ZNF541: variants seen among roughly 807,000 people sequenced by gnomAD.
ZNF541 encodes the protein zinc finger protein 541.
ZNF541 carries 23 observed loss-of-function variants against 123.5 expected under a neutral mutation model. The observed-to-expected ratio is 0.19, with a 90% CI of 0.13 to 0.26. ZNF541 has a LOEUF of 0.26. Ranked by LOEUF, ZNF541 falls within the 10% of genes least tolerant of loss-of-function variation. ZNF541 has a pLI of 1.00. For synonymous variants in ZNF541, 751 were observed against 754.5 expected, an observed-to-expected ratio of 1.00 and a Z score of 0.08; for missense variants, 1,612 against 1,789.9, an observed-to-expected ratio of 0.90 and a Z score of 1.79.
At chr19:47,530,335 ATTTTTTTT>A (rs10586987) in intron 12 of ZNF541, among the ~76,000 whole-genome samples, 2 of 131,906 alleles carry the variant, frequency 1.5e-5, no homozygotes, top group African/African-American at 5.8e-5. Flanking sequence ...CTCCCTGCTA[ATTTTTTTT>A]TTTTTTTTTT....
chr19:47,553,495 G>A (rs942042606), intron 3 of ZNF541, among the ~76,000 whole-genome samples: 1 of 142,142 alleles, frequency 7.0e-6, no homozygotes, highest in African/African-American at 2.6e-5. Context: ...TGCAACCTCC[G>A]ACTCCCTGGT....
intron 9 of ZNF541, among the ~76,000 whole-genome samples, chr19:47,537,151 T>C (rs924660823): frequency 1.3e-5 from 2 of 152,178 alleles, no homozygotes; most frequent in African/African-American, 4.8e-5. Context: ...AAGCGTGCTC[T>C]AAAATTAAGA....
At chr19:47,525,237 A>G (rs140875839) in intron 14 of ZNF541, among the ~76,000 whole-genome samples, 13 of 151,740 alleles carry the variant, frequency 8.6e-5, no homozygotes, top group South Asian at 4.2e-4. Flanking sequence ...GTGAGTGAAG[A>G]GCGCGCCACT....
In ZNF541 at chr19:47,537,561, C is replaced by G. The variant is rs183765673; in HGVS notation, c.3094+581G>C. On this transcript the variant is annotated intron_variant, in intron 9 of 16. Coordinates refer to ENST00000391901, the MANE Select transcript of ZNF541 (RefSeq NM_001277075.3). Reference sequence around the variant, plus strand: ...CCTGGGTGATAGAGTGATACTCTGTCTCAAAAAAAAAAAAAAAAAAAAGGA... The same window carrying G: ...CCTGGGTGATAGAGTGATACTCTGTGTCAAAAAAAAAAAAAAAAAAAAGGA... Among the ~76,000 whole-genome samples the G allele has an allele frequency of 2.2e-3, 261 of 117,332 alleles. 1 individual carries two copies. The highest frequency in any genetic ancestry group is 8.9e-3 in the African/African-American group (237 of 26,654). 77.0% of individuals were successfully genotyped at this position (117,332 alleles called of 152,430 possible). A position where few individuals can be genotyped will look rare whatever the true frequency, so the allele number is the denominator to read the frequency against.
chr19:47,562,225 G>A (rs1049197379), intron 2 of ZNF541, among the ~76,000 whole-genome samples: 11 of 151,868 alleles, frequency 7.2e-5, no homozygotes, highest in Admixed American at 5.3e-4. Flanking sequence ...CTCCAGCCTG[G>A]GCGACAGAGA....
chr19:47,530,070 C>A (rs1383739142), intron 12 of ZNF541, among the ~76,000 whole-genome samples: 2 of 152,100 alleles, frequency 1.3e-5, no homozygotes, highest in African/African-American at 4.8e-5. Flanking sequence ...CTATGTTGTC[C>A]AGGCTGAGCT....
At chr19:47,569,405 T>C (rs1971391495) in intron 2 of ZNF541, among the ~76,000 whole-genome samples, 1 of 152,116 alleles carries the variant, frequency 6.6e-6, no homozygotes, top group Non-Finnish European at 1.5e-5. Context: ...AGGTAAATAG[T>C]CCAGAGAAGT....
Position 47,555,898 on chromosome 19 carries a change from A to G in ZNF541, c.-42T>C, listed in dbSNP as rs747077416. 70 of 1,510,896 alleles carry G rather than the reference A, an allele frequency of 4.6e-5. No homozygotes were observed. Among genetic ancestry groups the G allele is most frequent in the Non-Finnish European group, 6.0e-5 (68 of 1,124,600 alleles). The allele number at this position is 1,510,896 out of a possible 1,614,324, so 93.6% of individuals were successfully genotyped here. A position where few individuals can be genotyped will look rare whatever the true frequency, so the allele number is the denominator to read the frequency against. On this transcript the variant is annotated 5_prime_UTR_variant, in exon 3 of 17. Transcript: ENST00000391901. ...GTCTTGGCCAAAAGCTACTCTCCAG[A>G]TAAGCAAAACCATGTAAGGAGACAG... is the stretch of plus-strand genomic sequence containing the variant.
At chr19:47,538,563 C>T (rs1053227957) in intron 8 of ZNF541, 124 bp from the exon 9 acceptor site, 30 of 1,072,070 alleles carry the variant, frequency 2.8e-5, no homozygotes, top group Middle Eastern at 2.1e-4. Context: ...AATGCACGCC[C>T]GGCAAAGGAG....
At chr19:47,561,763 T>C (rs1971072709) in intron 2 of ZNF541, among the ~76,000 whole-genome samples, 1 of 152,038 alleles carries the variant, frequency 6.6e-6, no homozygotes, top group Non-Finnish European at 1.5e-5. Flanking sequence ...GTTAAGTCAC[T>C]AGCTGACCAC....
chr19:47,547,959 GAA>G (rs1970425019), intron 4 of ZNF541, among the ~76,000 whole-genome samples: 2 of 149,254 alleles, frequency 1.3e-5, no homozygotes, highest in Non-Finnish European at 3.0e-5. Context: ...AAAATCACTT[GAA>G]CCCAGGAGGC....
intron 2 of ZNF541, among the ~76,000 whole-genome samples, chr19:47,569,209 C>T (rs1283052466): frequency 6.6e-6 from 1 of 152,026 alleles, no homozygotes; most frequent in Admixed American, 6.6e-5. Context: ...TTTCCCAGCC[C>T]TCACTTATCT....
At chr19:47,570,696 T>C (rs1019399659) in intron 2 of ZNF541, among the ~76,000 whole-genome samples, 1 of 151,934 alleles carries the variant, frequency 6.6e-6, no homozygotes, top group Admixed American at 6.6e-5. Context: ...TTTAAACTTC[T>C]AATACAGCAA....
At position 47,540,184 on chromosome 19, in the gene ZNF541, C is replaced by T. The variant is rs1408843273; in HGVS notation, c.2614G>A (p.Glu872Lys). 2 of 1,550,616 alleles carry T rather than the reference C, an allele frequency of 1.3e-6. No individual in the cohort carries two copies. Among genetic ancestry groups the T allele is most frequent in the Non-Finnish European group, 1.7e-6 (2 of 1,146,826 alleles). ...DQWPSPRGKQ[E>K]PQVFGTEFCK... is the part of the protein sequence containing the mutation. ...TGGTCGTCCCCCTTCACCTGCGGTT[C>T]CTGCTTCCCTCGAGGTGACGGCCAC... is the stretch of plus-strand genomic sequence containing the variant. The change falls in exon 7 of 17, where the codon GAA becomes AAA. Residue 872 changes from glutamate (E) to lysine (K), a missense_variant. Glu to Lys is a moderately conservative substitution (Grantham distance 56). Coordinates refer to ENST00000391901, the MANE Select transcript of ZNF541 (RefSeq NM_001277075.3).
rs1969425804 is a variant in ZNF541 at position 47,528,743 on chromosome 19, G to A, written c.3570+207C>T. Among the ~76,000 whole-genome samples, 3 of 152,150 alleles carry A rather than the reference G, an allele frequency of 2.0e-5. No homozygotes were observed. The South Asian group carries it at 6.2e-4, about 31-fold the overall frequency. On this transcript the variant is annotated intron_variant, in intron 14 of 16. Coordinates refer to ENST00000391901, the MANE Select transcript of ZNF541 (RefSeq NM_001277075.3). ...AAGTAGGACTGCGGGGAGGGGCATG[G>A]AAGACTGTTCTGTGCAGGTGATGCA... is the stretch of plus-strand genomic sequence containing the variant.
chr19:47,570,563 C>A (rs1295747472), intron 2 of ZNF541, among the ~76,000 whole-genome samples: 4 of 101,202 alleles, frequency 4.0e-5, no homozygotes, highest in South Asian at 3.3e-4. Context: ...GGCGACAGAG[C>A]AAGACTCTGT....
intron 6 of ZNF541, 101 bp from the exon 7 acceptor site, chr19:47,540,436 C>T (rs1718447132): frequency 2.3e-6 from 3 of 1,293,120 alleles, no homozygotes; most frequent in Non-Finnish European, 3.1e-6. Context: ...AACTCCAATC[C>T]ACTGACTTTT....
At position 47,545,164 on chromosome 19, in the gene ZNF541, G is replaced by C; in HGVS notation, c.1365C>G (p.Ser455Arg). The change falls in exon 5 of 17, where the codon AGC (serine) becomes AGG (arginine). Residue 455 changes from serine (S) to arginine (R), a missense_variant. Physicochemically the swap from Ser to Arg is moderately radical, Grantham distance 110. Transcript: ENST00000391901. The surrounding 1 kb of genome is among the most constrained non-coding windows in gnomAD (Gnocchi z 7.5). ...GGCCGGGCGGGGACTCCTCCGAGGG[G>C]CTTCCGCTGCTGGGTCCCGGGCCAG... ...SESGPGPSSG[S>R]PSEESPPGPG... 6.7e-7 allele frequency: 1 copy of C among 1,495,822 alleles called. No individual in the cohort carries two copies. Among genetic ancestry groups the C allele is most frequent in the Non-Finnish European group, 8.9e-7 (1 of 1,121,460 alleles). 92.7% of individuals were successfully genotyped at this position (1,495,822 alleles called of 1,614,324 possible).
chr19:47,549,218 C>G, intron 4 of ZNF541, 27 bp downstream of exon 4: 1 of 1,551,382 alleles, frequency 6.4e-7, no homozygotes, highest in Non-Finnish European at 8.7e-7. Flanking sequence ...CCTGAACAGA[C>G]GTTTTTCTGA....
Sources: gnomAD v4.1 joint callset for allele counts (sites outside exome capture counted in the v4.1 genomes callset) on GRCh38, gnomAD v4.1.1 for gene constraint, Gnocchi (gnomAD v3.1) non-coding constraint, MANE v1.5 for transcripts, NCBI Gene and HGNC (gene_info 2026-07-23, HGNC 2026-07-21) for gene names.